The following EPHA6 variants were observed in gnomAD, a reference collection of about 807,000 sequenced individuals.
EPHA6 encodes ephrin type-A receptor 6.
In EPHA6, 50 loss-of-function variants were observed where a neutral mutation model predicts 112.0. The ratio of observed to expected loss-of-function variants is 0.45; its 90% CI spans 0.36 to 0.56. The LOEUF (loss-of-function observed/expected upper bound fraction) is 0.56. EPHA6 is among the 20% of genes least tolerant of loss of function. The pLI is 0.00. For synonymous variants in EPHA6, 529 were observed against 490.7 expected (o/e 1.08, Z -1.03); for missense variants, 1,280 against 1,417.4 (o/e 0.90, Z 1.56).
intron 2 of EPHA6, among the ~76,000 whole-genome samples, chr3:96,979,600 T>C (rs1465918643): frequency 2.0e-5 from 3 of 152,112 alleles, no homozygotes; most frequent in Non-Finnish European, 2.9e-5. Context: ...GGTATTTCTA[T>C]TTCTAGATCC....
intron 14 of EPHA6, among the ~76,000 whole-genome samples, chr3:97,691,537 G>A (rs1057296664): frequency 3.3e-5 from 5 of 152,066 alleles, no homozygotes; most frequent in African/African-American, 1.2e-4. Context: ...GATTTCATAA[G>A]TTGAACGAGT....
chr3:97,510,257 G>A (rs1046119115), intron 10 of EPHA6, among the ~76,000 whole-genome samples: 1 of 152,178 alleles, frequency 6.6e-6, no homozygotes, highest in Non-Finnish European at 1.5e-5. Flanking sequence ...ATCCTTTGGA[G>A]GAGAATTCTC....
intron 5 of EPHA6, among the ~76,000 whole-genome samples, chr3:97,355,886 G>A (rs1577073421): frequency 2.6e-5 from 4 of 152,080 alleles, no homozygotes; most frequent in South Asian, 4.1e-4. Context: ...GTAGCTATAC[G>A]TATATCAGAC....
chr3:97,063,893 A>G (rs2046102578), intron 3 of EPHA6, among the ~76,000 whole-genome samples: 1 of 152,190 alleles, frequency 6.6e-6, no homozygotes, highest in African/African-American at 2.4e-5. Context: ...CAAGCAATGA[A>G]GAATGATTTT....
At chr3:96,936,659 G>A (rs1369487853) in intron 2 of EPHA6, among the ~76,000 whole-genome samples, 1 of 151,574 alleles carries the variant, frequency 6.6e-6, no homozygotes, top group Non-Finnish European at 1.5e-5. Flanking sequence ...TGCACAATGT[G>A]CAGGTTTGTT....
chr3:96,847,601 C>T (rs189760096), intron 1 of EPHA6, among the ~76,000 whole-genome samples: 20 of 151,934 alleles, frequency 1.3e-4, no homozygotes, highest in South Asian at 6.2e-4. Context: ...ATTTATGAAA[C>T]GAAACATTTA....
chr3:97,133,902 C>T (rs1023046437), intron 3 of EPHA6, among the ~76,000 whole-genome samples: 5 of 151,898 alleles, frequency 3.3e-5, no homozygotes, highest in African/African-American at 4.8e-5. Context: ...ATAATTCAAG[C>T]TGTTGATTGC....
Position 97,761,345 on chromosome 3 carries a change from A to G in EPHA6, c.*12644A>G, listed in dbSNP as rs554842486. The stretch of plus-strand genomic sequence containing the variant: ...ACATATGTCATCTATTTGCTGAAAG[A>G]ATATGCTGTTTAGCAAACTACCTGC... On this transcript the variant is annotated 3_prime_UTR_variant, in exon 18 of 18. Coordinates refer to ENST00000389672, the MANE Select transcript of EPHA6 (RefSeq NM_001080448.3). The G allele has an allele frequency of 1.1e-4, 20 of 189,614 alleles. No individual in the cohort carries two copies. Among genetic ancestry groups the G allele is most frequent in the African/African-American group, 4.4e-4 (19 of 43,052 alleles). The allele number at this position is 189,614 out of a possible 1,614,324, so 11.7% of individuals were successfully genotyped here. A position where few individuals can be genotyped will look rare whatever the true frequency, so the allele number is the denominator to read the frequency against.
At chr3:97,469,232 T>C (rs2091152290) in intron 7 of EPHA6, among the ~76,000 whole-genome samples, 1 of 151,686 alleles carries the variant, frequency 6.6e-6, no homozygotes, top group Non-Finnish European at 1.5e-5. Flanking sequence ...TGGAATCTTG[T>C]GTCAGATTTT....
intron 3 of EPHA6, among the ~76,000 whole-genome samples, chr3:97,054,572 A>G (rs2045792419): frequency 6.6e-6 from 1 of 152,138 alleles, no homozygotes; most frequent in Non-Finnish European, 1.5e-5. Flanking sequence ...AAATAAGGAG[A>G]GGAATAAATG....
At chr3:97,023,827 G>A (rs1029574222) in intron 3 of EPHA6, among the ~76,000 whole-genome samples, 6 of 152,208 alleles carry the variant, frequency 3.9e-5, no homozygotes, top group South Asian at 4.1e-4. Flanking sequence ...AGAATCATCC[G>A]TAAGATTAGC....
chr3:96,941,599 G>A (rs1043478479), intron 2 of EPHA6, among the ~76,000 whole-genome samples: 18 of 152,168 alleles, frequency 1.2e-4, no homozygotes, highest in Non-Finnish European at 2.1e-4. Context: ...CTCTCAACTC[G>A]TCAAAGTCAT....
chr3:97,043,380 G>T (rs1024821047), intron 3 of EPHA6, among the ~76,000 whole-genome samples: 8 of 151,764 alleles, frequency 5.3e-5, no homozygotes, highest in Non-Finnish European at 1.0e-4. Context: ...TCCCAGAAAG[G>T]TACCTTAATC....
At chr3:97,468,971 C>A (rs1197527932) in intron 7 of EPHA6, among the ~76,000 whole-genome samples, 1 of 151,522 alleles carries the variant, frequency 6.6e-6, no homozygotes, top group Non-Finnish European at 1.5e-5. Flanking sequence ...AGTTTTTGGC[C>A]AGGGTTTAAT....
At chr3:97,086,499 A>G (rs2046905468) in intron 3 of EPHA6, among the ~76,000 whole-genome samples, 1 of 152,116 alleles carries the variant, frequency 6.6e-6, no homozygotes, top group South Asian at 2.1e-4. Flanking sequence ...AAGTTTTACA[A>G]TATTAAAATT....
chr3:96,968,282 T>C (rs1427396034), intron 2 of EPHA6, among the ~76,000 whole-genome samples: 1 of 151,698 alleles, frequency 6.6e-6, no homozygotes, highest in African/African-American at 2.4e-5. Flanking sequence ...CTGTGTCCTT[T>C]TAATGTTTGA....
intron 10 of EPHA6, among the ~76,000 whole-genome samples, chr3:97,493,827 A>G (rs1238583200): frequency 6.6e-6 from 1 of 152,216 alleles, no homozygotes; most frequent in African/African-American, 2.4e-5. Context: ...GCTGAGAGCT[A>G]AAGCAAACTA....
intron 11 of EPHA6, among the ~76,000 whole-genome samples, chr3:97,544,498 AT>A (rs2092916531): frequency 6.6e-6 from 1 of 152,058 alleles, no homozygotes; most frequent in Non-Finnish European, 1.5e-5. Flanking sequence ...GTTTGCCAGT[AT>A]TTTACTGAGG....
chr3:97,260,663 G>T (rs1389048603), intron 5 of EPHA6, among the ~76,000 whole-genome samples: 1 of 152,174 alleles, frequency 6.6e-6, no homozygotes, highest in African/African-American at 2.4e-5. Context: ...TTTTGATCAT[G>T]ATTTATAAAC....
Sources: gnomAD v4.1 joint callset for allele counts (sites outside exome capture counted in the v4.1 genomes callset) on GRCh38, gnomAD v4.1.1 for gene constraint, MANE v1.5 for transcripts, NCBI Gene and HGNC (gene_info 2026-07-23, HGNC 2026-07-21) for gene names.